The following APC variants were observed in gnomAD, a reference collection of about 807,000 sequenced individuals.
APC encodes adenomatous polyposis coli protein.
A neutral mutation model predicts 247.0 loss-of-function variants in APC; 72 were observed. That is an observed-to-expected ratio of 0.29 (90% CI 0.24 to 0.35). The LOEUF is 0.35. Among genes scored for constraint, APC ranks in the 10% least tolerant of loss-of-function variants. APC has a pLI of 1.00. For missense variants in APC, 3,400 were observed against 3,360.7 expected, an observed-to-expected ratio of 1.01 and a Z score of -0.29; for synonymous variants, 1,254 against 1,162.5, an observed-to-expected ratio of 1.08 and a Z score of -1.60.
At chr5:112,752,178 C>G (rs1754461963) in intron 1 of APC, among the ~76,000 whole-genome samples, 1 of 151,970 alleles carries the variant, frequency 6.6e-6, no homozygotes, top group Non-Finnish European at 1.5e-5. Context: ...TGCTTTCCTG[C>G]CTTCTTATTC....
intron 1 of APC, among the ~76,000 whole-genome samples, chr5:112,732,450 T>C (rs79335213): frequency 0.028 from 4,259 of 152,308 alleles, 191 homozygotes; most frequent in African/African-American, 0.097. Flanking sequence ...TGTTTTTCCA[T>C]ATACAGGGGC....
At position 112,767,162 on chromosome 5, in the gene APC, A is replaced by C. The variant is rs371604873; in HGVS notation, c.221-27A>C. ...TTAGACTGCTTAAAGCAATTGTTGT[A>C]TAAAAACTTGTTTCTATTTTATTTA... On this transcript the variant is annotated intron_variant, in intron 3 of 15. Transcript: ENST00000257430. 2.4e-4 allele frequency: 382 copies of C among 1,562,784 alleles called. No homozygotes were observed. The highest frequency in any genetic ancestry group is 3.2e-4 in the Non-Finnish European group (363 of 1,133,820).
intron 6 of APC, among the ~76,000 whole-genome samples, chr5:112,787,393 CT>C (rs1443267622): frequency 6.6e-6 from 1 of 152,154 alleles, no homozygotes; most frequent in African/African-American, 2.4e-5. Flanking sequence ...CCAAATTGCT[CT>C]TAAAGTAATC....
At chr5:112,834,914 A>G (rs768940813) in intron 14 of APC, 37 bp from the exon 15 acceptor site, 46 of 1,569,676 alleles carry the variant, frequency 2.9e-5, no homozygotes, top group East Asian at 2.5e-4. Flanking sequence ...ACAAATTCCA[A>G]CTCTAATTAG....
At chr5:112,711,907 A>G (rs984660680) in intron 1 of APC, among the ~76,000 whole-genome samples, 7 of 152,168 alleles carry the variant, frequency 4.6e-5, no homozygotes, top group Admixed American at 6.5e-5. Context: ...ATTGCCACCA[A>G]TGATGTTCAT....
rs1057521466 is a variant in APC at position 112,792,484 on chromosome 5, A to G, written c.684A>G (p.Ile228Met). ...GAATTCAGCAAATCGAAAAGGACAT[A>G]CTTCGTATACGACAGCTTTTACAGT... ...IARIQQIEKD[I>M]LRIRQLLQSQ... Residue 228 changes from isoleucine (I) to methionine (M), a missense_variant, in exon 7 of 16, where the codon ATA (isoleucine) becomes ATG (methionine). Ile to Met is a conservative substitution (Grantham distance 10). Coordinates refer to ENST00000257430, the MANE Select transcript of APC (RefSeq NM_000038.6). 1 of 1,612,380 alleles carries G rather than the reference A, an allele frequency of 6.2e-7. No individual in the cohort carries two copies. Among genetic ancestry groups the G allele is most frequent in the African/African-American group, 1.3e-5 (1 of 74,894 alleles).
chr5:112,786,221 T>C (rs561017033), intron 6 of APC, among the ~76,000 whole-genome samples: 2 of 152,230 alleles, frequency 1.3e-5, no homozygotes, highest in East Asian at 3.9e-4. Flanking sequence ...TCCCACATAG[T>C]TGGGACTTTA....
chr5:112,707,619 C>T lies in APC; in HGVS notation c.-99C>T, dbSNP rs2149629831. The T allele has an allele frequency of 1.6e-6, 2 of 1,275,498 alleles. No homozygotes were observed. Among genetic ancestry groups the T allele is most frequent in the South Asian group, 1.3e-5 (1 of 78,198 alleles). The allele number at this position is 1,275,498 out of a possible 1,614,324, so 79.0% of individuals were successfully genotyped here. A position where few individuals can be genotyped will look rare whatever the true frequency, so the allele number is the denominator to read the frequency against. On this transcript the variant is annotated 5_prime_UTR_variant, in exon 1 of 14. Coordinates refer to the APC transcript ENST00000507379. ...CCTGCGGGCTCAGGCCCGGGAGCTGCGGACCGAGGTTGGCTCGATGCTGTT... is the reference window on the plus strand; with the variant it reads ...CCTGCGGGCTCAGGCCCGGGAGCTGTGGACCGAGGTTGGCTCGATGCTGTT...
Position 112,742,955 on chromosome 5 carries a change from C to G in APC, c.-19+5030C>G, listed in dbSNP as rs191214992. 1.1e-4 allele frequency among the ~76,000 whole-genome samples: 17 copies of G among 152,298 alleles called. No individual in the cohort carries two copies. In the East Asian group the frequency reaches 3.1e-3, roughly 28 times the overall value. On this transcript the variant is annotated intron_variant, in intron 1 of 15. Coordinates refer to ENST00000257430, the MANE Select transcript of APC (RefSeq NM_000038.6). The stretch of plus-strand genomic sequence containing the variant: ...CTATTGCTGTTGTAACAAATTAACA[C>G]AAACTTAGTGGTTTAAGAGAACACA...
intron 8 of APC, among the ~76,000 whole-genome samples, chr5:112,807,888 C>T (rs79818818): frequency 3.9e-5 from 6 of 152,164 alleles, no homozygotes; most frequent in Admixed American, 1.3e-4. Context: ...GGTGTGGTGG[C>T]TCACACCTGT....
At chr5:112,836,165 TCC>T (rs59050067) in intron 15 of APC, among the ~76,000 whole-genome samples, 711 of 24,490 alleles carry the variant, frequency 0.029, 60 homozygotes, top group Middle Eastern at 0.091. Flanking sequence ...GGATTACAGG[TCC>T]CCCCCCCCCC....
intron 6 of APC, among the ~76,000 whole-genome samples, chr5:112,791,608 C>T (rs2149681110): frequency 6.6e-6 from 1 of 152,242 alleles, no homozygotes. Context: ...TTCCCCTGCC[C>T]CAGTCAGTAG....
intron 11 of APC, among the ~76,000 whole-genome samples, chr5:112,826,645 C>A (rs1580561930): frequency 1.4e-5 from 2 of 146,042 alleles, no homozygotes; most frequent in Admixed American, 6.8e-5. Context: ...CATTTAAAGG[C>A]ATCCGTATTC....
Position 112,842,084 on chromosome 5 carries a change from G to T in APC, c.6490G>T (p.Gly2164Cys), listed in dbSNP as rs2149966062. Reference protein sequence around the residue: ...QEEKPFTSNKGPRILKPGEKS... With the variant: ...QEEKPFTSNKCPRILKPGEKS... Reference sequence around the variant, plus strand: ...AGAAAAACCCTTTACAAGTAATAAAGGCCCACGAATTCTAAAACCAGGGGA... The same window carrying T: ...AGAAAAACCCTTTACAAGTAATAAATGCCCACGAATTCTAAAACCAGGGGA... The change falls in exon 16 of 16, where the codon GGC (glycine) becomes TGC (cysteine). Residue 2164 changes from glycine (G) to cysteine (C), a missense_variant. Gly to Cys is a radical substitution (Grantham distance 159, BLOSUM62 -3). This residue lies in a region of APC where 1,788 missense variants were observed against 1,649.5 expected (regional missense o/e 1.08). Transcript: ENST00000257430. The T allele has an allele frequency of 6.2e-7, 1 of 1,610,916 alleles. No homozygotes were observed. Among genetic ancestry groups the T allele is most frequent in the Non-Finnish European group, 8.5e-7 (1 of 1,177,522 alleles).
At chr5:112,712,269 T>C (rs941139083) in intron 1 of APC, among the ~76,000 whole-genome samples, 3 of 152,190 alleles carry the variant, frequency 2.0e-5, no homozygotes, top group Non-Finnish European at 4.4e-5. Context: ...AACTCCCTAC[T>C]TCCATTTCCT....
intron 1 of APC, among the ~76,000 whole-genome samples, chr5:112,731,782 G>C (rs777572959): frequency 6.6e-6 from 1 of 151,976 alleles, no homozygotes; most frequent in Non-Finnish European, 1.5e-5. Flanking sequence ...TTTTGTTTTA[G>C]ACAGAGTCTT....
chr5:112,822,113 A>G (rs993829054), intron 11 of APC, 122 bp downstream of exon 11: 3 of 703,838 alleles, frequency 4.3e-6, no homozygotes, highest in African/African-American at 1.8e-5. Flanking sequence ...TAAGGCCACC[A>G]ACTTCTGTTA....
chr5:112,820,803 C>T (rs1395057328), intron 10 of APC, among the ~76,000 whole-genome samples: 1 of 152,118 alleles, frequency 6.6e-6, no homozygotes, highest in African/African-American at 2.4e-5. Flanking sequence ...TGTTTACTGT[C>T]TAGTATATCT....
chr5:112,755,776 C>G (rs1052328632), intron 2 of APC, among the ~76,000 whole-genome samples: 109 of 152,272 alleles, frequency 7.2e-4, no homozygotes, highest in Admixed American at 3.6e-3. Flanking sequence ...TCTCTTCTGA[C>G]TGAATTTAAT....
Sources: gnomAD v4.1 joint callset for allele counts (sites outside exome capture counted in the v4.1 genomes callset) on GRCh38, gnomAD v4.1.1 for gene constraint, gnomAD v4.1.1 regional missense constraint, MANE v1.5 for transcripts, NCBI Gene and HGNC (gene_info 2026-07-23, HGNC 2026-07-21) for gene names.